MROH2A: variants seen among roughly 807,000 people sequenced by gnomAD.
MROH2A encodes maestro heat like repeat family member 2A, also known as maestro heat-like repeat-containing protein family member 2A.
In MROH2A, 174 loss-of-function variants were observed where a neutral mutation model predicts 200.4. The ratio of observed to expected loss-of-function variants is 0.87; its 90% confidence interval spans 0.77 to 0.98. The LOEUF (loss-of-function observed/expected upper bound fraction) is 0.98, where lower values mean the gene tolerates loss of function less well. Ranked by LOEUF, MROH2A falls within the 50% of genes least tolerant of loss-of-function variation. The pLI is 0.00. For synonymous variants in MROH2A, 829 were observed against 840.4 expected, an observed-to-expected ratio of 0.99 and a Z score of 0.23; for missense variants, 2,045 against 2,139.6, an observed-to-expected ratio of 0.96 and a Z score of 0.87.
At chr2:233,792,144 C>T (rs1028993130) in intron 5 of MROH2A, among the ~76,000 whole-genome samples, 16 of 152,190 alleles carry the variant, frequency 1.1e-4, no homozygotes, top group African/African-American at 2.9e-4. Context: ...GGAGGATGGA[C>T]GCACTCTGGG....
At chr2:233,792,917 C>A in intron 6 of MROH2A, 23 bp downstream of exon 6, 1 of 1,549,790 alleles carries the variant, frequency 6.5e-7, no homozygotes, top group Non-Finnish European at 8.7e-7. Flanking sequence ...CTTGAGCCTG[C>A]AGGTCTGGCT....
intron 16 of MROH2A, among the ~76,000 whole-genome samples, chr2:233,803,788 G>A (rs560779533): frequency 3.4e-4 from 51 of 152,212 alleles, no homozygotes; most frequent in African/African-American, 1.2e-3. Flanking sequence ...CTCAGTCCAG[G>A]ACCCATGAGT....
chr2:233,779,793 G>C lies in MROH2A; in HGVS notation c.217G>C (p.Ala73Pro). 6.4e-7 allele frequency: 1 copy of C among 1,550,732 alleles called. No individual in the cohort carries two copies. The highest frequency in any genetic ancestry group is 8.7e-7 in the Non-Finnish European group (1 of 1,147,018). The change falls in exon 3 of 42, where the codon GCC (alanine) becomes CCC (proline). Residue 73 changes from alanine (A) to proline (P), a missense_variant. Coordinates refer to ENST00000389758, the MANE Select transcript of MROH2A (RefSeq NM_001394639.1). ...GGCCTCGGTGATAATCATGGAGAAG[G>C]CCACCACTGAGCCTTCTGTAGTGAT... Reference protein sequence around the residue: ...TLASVIIMEKATTEPSVVINT... With the variant: ...TLASVIIMEKPTTEPSVVINT...
chr2:233,806,711 C>T (rs966348228), intron 19 of MROH2A, among the ~76,000 whole-genome samples: 1 of 152,042 alleles, frequency 6.6e-6, no homozygotes, highest in African/African-American at 2.4e-5. Context: ...AACAAACTTA[C>T]CCCTCCCCCT....
At chr2:233,784,682 A>G (rs747468698) in intron 3 of MROH2A, among the ~76,000 whole-genome samples, 55 of 152,302 alleles carry the variant, frequency 3.6e-4, no homozygotes, top group Non-Finnish European at 5.7e-4. Flanking sequence ...CACATGATGC[A>G]CTGGCTCCCC....
chr2:233,815,863 TTG>T (rs1376724739), intron 26 of MROH2A, among the ~76,000 whole-genome samples: 93 of 126,846 alleles, frequency 7.3e-4, no homozygotes, highest in African/African-American at 2.6e-3. Flanking sequence ...TTTTTTTTTT[TTG>T]CTGCATCTCA....
chr2:233,819,667 C>T (rs1036633632), intron 30 of MROH2A, among the ~76,000 whole-genome samples, 198 bp downstream of exon 30: 1 of 152,222 alleles, frequency 6.6e-6, no homozygotes, highest in African/African-American at 2.4e-5. Flanking sequence ...GTTAAGTGCA[C>T]GCTGACCTGG....
At chr2:233,832,530 T>A (rs1392759130) in intron 40 of MROH2A, 49 bp from the exon 41 acceptor site, 4 of 1,372,588 alleles carry the variant, frequency 2.9e-6, no homozygotes, top group Non-Finnish European at 4.1e-6. Flanking sequence ...ACGACTTGCC[T>A]GCTGACCTAA....
intron 18 of MROH2A, 140 bp downstream of exon 18, chr2:233,804,687 G>T: frequency 1.3e-6 from 1 of 782,258 alleles, no homozygotes; most frequent in Non-Finnish European, 2.1e-6. Context: ...GAAGACTTGG[G>T]AGTTACAAAG....
intron 5 of MROH2A, among the ~76,000 whole-genome samples, chr2:233,791,669 G>A (rs934976401): frequency 2.6e-5 from 4 of 152,200 alleles, no homozygotes; most frequent in Non-Finnish European, 5.9e-5. Flanking sequence ...CATTGGCAAG[G>A]CTCGGGAGGA....
Position 233,832,593 on chromosome 2 carries a change from C to T in MROH2A, c.4852C>T (p.Gln1618Ter), listed in dbSNP as rs1259228836. 3 of 1,548,842 alleles carry T rather than the reference C, an allele frequency of 1.9e-6. No homozygotes were observed. In the Admixed American group the frequency reaches 5.9e-5, roughly 30 times the overall value. The change falls in exon 41 of 42, where the codon CAG becomes TAG. Residue 1618 changes from glutamine (Q) to a stop codon, truncating the protein, a stop_gained. Coordinates refer to ENST00000389758, the MANE Select transcript of MROH2A (RefSeq NM_001394639.1). LOFTEE classifies it high-confidence loss of function. ...ACNLAGIIMK[Q>*]MSTHYLKKLD... The stretch of plus-strand genomic sequence containing the variant: ...TATTGTTTTAGGAATTATTATGAAG[C>T]AGATGTCTACACATTATCTGAAAAA...
chr2:233,829,959 G>A (rs918045572), intron 38 of MROH2A, among the ~76,000 whole-genome samples, 184 bp downstream of exon 38: 3 of 152,162 alleles, frequency 2.0e-5, no homozygotes, highest in African/African-American at 7.2e-5. Context: ...GCTGAGGAGA[G>A]AGGCCATCCG....
intron 30 of MROH2A, 114 bp from the exon 31 acceptor site, chr2:233,819,788 C>A: frequency 1.6e-6 from 2 of 1,223,136 alleles, no homozygotes; most frequent in Non-Finnish European, 2.2e-6. Context: ...GGGCGCTTAA[C>A]CTCCCCATTG....
intron 3 of MROH2A, among the ~76,000 whole-genome samples, chr2:233,784,774 C>G (rs1272899400): frequency 6.6e-6 from 1 of 152,192 alleles, no homozygotes; most frequent in Non-Finnish European, 1.5e-5. Context: ...AACCATGAAC[C>G]AAAATAAACC....
intron 26 of MROH2A, among the ~76,000 whole-genome samples, chr2:233,815,123 A>G (rs1205109090): frequency 6.6e-6 from 1 of 152,214 alleles, no homozygotes; most frequent in Non-Finnish European, 1.5e-5. Flanking sequence ...TCCAGGATAT[A>G]ATCCAGATTA....
At chr2:233,788,096 ATTATATATAC>A (rs1701470152) in intron 3 of MROH2A, among the ~76,000 whole-genome samples, 3 of 93,096 alleles carry the variant, frequency 3.2e-5, no homozygotes, top group East Asian at 5.2e-4. Context: ...ATATACATAT[ATTATATATAC>A]ATATATATTA....
At chr2:233,825,921 CTTTTTTT>C (rs34849761) in intron 35 of MROH2A, among the ~76,000 whole-genome samples, 7 of 95,248 alleles carry the variant, frequency 7.3e-5, no homozygotes, top group East Asian at 2.7e-4. Context: ...TTTCTTTTTC[CTTTTTTT>C]TTTTTTTTTT....
rs1704488843 is a variant in MROH2A, at chr2:233,828,641, C to T, written c.4125C>T (p.Gly1375=). 1.3e-6 allele frequency: 2 copies of T among 1,550,790 alleles called. No individual in the cohort carries two copies. The highest frequency in any genetic ancestry group is 1.4e-5 in the African/African-American group (1 of 73,058). ...GTCCTCCCTTCCAGTTCATGAGCGG[C>T]CCAGTTCTGTACCAGGAGAAGCTGC... ...ISSTAVCFMS[G]PVLYQEKLLK... The change falls in exon 36 of 42, where the codon GGC becomes GGT. Residue 1375 remains glycine (G), a synonymous_variant. Transcript: ENST00000389758. The surrounding 1 kb of genome is among the most constrained non-coding windows in gnomAD (Gnocchi z 4.6).
chr2:233,784,101 C>CT (rs1701078313), intron 3 of MROH2A, among the ~76,000 whole-genome samples: 2 of 151,798 alleles, frequency 1.3e-5, no homozygotes, highest in African/African-American at 4.8e-5. Flanking sequence ...TATATTCTTG[C>CT]TTTTTTTAGT....
Sources: gnomAD v4.1 joint callset for allele counts (sites outside exome capture counted in the v4.1 genomes callset) on GRCh38, gnomAD v4.1.1 for gene constraint, Gnocchi (gnomAD v3.1) non-coding constraint, MANE v1.5 for transcripts, NCBI Gene and HGNC (gene_info 2026-07-23, HGNC 2026-07-21) for gene names.